NME7: variants seen among roughly 807,000 people sequenced by gnomAD.
NME7 encodes the protein nucleoside diphosphate kinase 7.
A neutral mutation model predicts 49.1 loss-of-function variants in NME7; 41 were observed. The ratio of observed to expected loss-of-function variants is 0.83; its 90% CI spans 0.65 to 1.08. NME7 has a LOEUF of 1.08. NME7 is among the 50% of genes least tolerant of loss of function. NME7 has a pLI of 0.00. For missense variants in NME7, 423 were observed against 463.4 expected (o/e 0.91, Z 0.80); for synonymous variants, 139 against 150.6 (o/e 0.92, Z 0.56).
At chr1:169,219,007 G>C (rs1274054873) in intron 10 of NME7, among the ~76,000 whole-genome samples, 1 of 152,134 alleles carries the variant, frequency 6.6e-6, no homozygotes, top group Admixed American at 6.5e-5. Flanking sequence ...GCAGATGGGA[G>C]GAGCTTTAAT....
intron 7 of NME7, among the ~76,000 whole-genome samples, chr1:169,248,753 T>C (rs1195481024): frequency 6.6e-6 from 1 of 152,170 alleles, no homozygotes; most frequent in East Asian, 1.9e-4. Flanking sequence ...CCTCAGCCTG[T>C]GTTTCTCTAT....
At position 169,332,851 on chromosome 1, in the gene NME7, G is replaced by C. The variant is rs1200060; in HGVS notation, c.4-8351C>G. On this transcript the variant is annotated intron_variant, in intron 1 of 11. Transcript: ENST00000367811. The stretch of plus-strand genomic sequence containing the variant: ...GCTGGTGAGGATGTGGAGAACAGGG[G>C]ACCCTTGTACACTGTTGTTAGGAAT... Among the ~76,000 whole-genome samples, 814 of 152,194 alleles carry C rather than the reference G, an allele frequency of 5.3e-3. 3 individuals carry two copies. Among genetic ancestry groups the C allele is most frequent in the Non-Finnish European group, 7.9e-3 (538 of 67,956 alleles).
intron 1 of NME7, among the ~76,000 whole-genome samples, chr1:169,349,678 A>C (rs1407736602): frequency 6.6e-6 from 1 of 151,976 alleles, no homozygotes; most frequent in Non-Finnish European, 1.5e-5. Context: ...GTGTAACAGA[A>C]CCTCTTTTTT....
intron 1 of NME7, among the ~76,000 whole-genome samples, chr1:169,346,830 T>G (rs968239396): frequency 2.6e-5 from 4 of 152,206 alleles, no homozygotes; most frequent in Non-Finnish European, 5.9e-5. Context: ...CTGCTAGCTA[T>G]CATCAATTGA....
chr1:169,202,016 A>T (rs761956058), intron 10 of NME7, among the ~76,000 whole-genome samples: 5 of 152,148 alleles, frequency 3.3e-5, no homozygotes, highest in Non-Finnish European at 5.9e-5. Context: ...GGAGTCTGGC[A>T]GCAGCAGCAG....
chr1:169,189,488 T>A (rs944400905), intron 10 of NME7, among the ~76,000 whole-genome samples: 1 of 152,156 alleles, frequency 6.6e-6, no homozygotes, highest in Admixed American at 6.5e-5. Flanking sequence ...AAAAATATAA[T>A]CATTTTTCTA....
At chr1:169,171,234 G>A (rs1659578037) in intron 10 of NME7, among the ~76,000 whole-genome samples, 2 of 151,988 alleles carry the variant, frequency 1.3e-5, no homozygotes, top group Admixed American at 1.3e-4. Context: ...CAGGTGTAGT[G>A]GTGCACGCCT....
intron 11 of NME7, 53 bp from the exon 12 acceptor site, chr1:169,132,870 C>CACTT (rs1415776077): frequency 8.6e-6 from 13 of 1,513,598 alleles, no homozygotes; most frequent in East Asian, 2.3e-5. Flanking sequence ...TGGTCTTTTC[C>CACTT]ACTTAACAGA....
intron 3 of NME7, among the ~76,000 whole-genome samples, chr1:169,315,745 T>C (rs1571382357): frequency 6.6e-6 from 1 of 152,104 alleles, no homozygotes; most frequent in South Asian, 2.1e-4. Context: ...GAAATAAACA[T>C]AATTCTAAAT....
intron 11 of NME7, among the ~76,000 whole-genome samples, chr1:169,147,225 T>C (rs1339175402): frequency 1.3e-5 from 2 of 152,216 alleles, no homozygotes; most frequent in African/African-American, 2.4e-5. Context: ...CCTAAGTAAA[T>C]ATCTAATCAT....
At chr1:169,355,757 T>A (rs1315398402) in intron 1 of NME7, among the ~76,000 whole-genome samples, 1 of 152,054 alleles carries the variant, frequency 6.6e-6, no homozygotes, top group Admixed American at 6.6e-5. Flanking sequence ...TTCTTCACTC[T>A]CTGTCTTGTT....
chr1:169,270,069 C>T (rs1441600701), intron 7 of NME7, among the ~76,000 whole-genome samples: 1 of 133,148 alleles, frequency 7.5e-6, no homozygotes. Context: ...CCATGCCTGG[C>T]CAAAATTTTC....
At chr1:169,325,899 C>G (rs910887812) in intron 1 of NME7, among the ~76,000 whole-genome samples, 1 of 151,804 alleles carries the variant, frequency 6.6e-6, no homozygotes, top group Non-Finnish European at 1.5e-5. Context: ...TTGTAAAAGC[C>G]TTTCATCATA....
At chr1:169,168,757 C>A in intron 11 of NME7, 1 of 407,812 alleles carries the variant, frequency 2.5e-6, no homozygotes. Context: ...AACAAAAAGT[C>A]GATTAACACA....
Position 169,219,516 on chromosome 1 carries a change from G to A in NME7, c.990+11202C>T, listed in dbSNP as rs1215293139. The stretch of plus-strand genomic sequence containing the variant: ...GCCCCCAAGATACCAGAGGATGGCT[G>A]TATTTCCTGAGCATTCTGTACTTCT... On this transcript the variant is annotated intron_variant, in intron 10 of 11. Coordinates refer to ENST00000367811, the MANE Select transcript of NME7 (RefSeq NM_013330.5). Among the ~76,000 whole-genome samples, 4 of 152,118 alleles carry A rather than the reference G, an allele frequency of 2.6e-5. No homozygotes were observed. The South Asian group carries it at 6.2e-4, about 24-fold the overall frequency.
At chr1:169,197,477 C>G (rs1276391365) in intron 10 of NME7, among the ~76,000 whole-genome samples, 1 of 151,760 alleles carries the variant, frequency 6.6e-6, no homozygotes. Context: ...AAGAAAATAC[C>G]TAAAGATCAA....
chr1:169,170,798 G>A (rs897954976), intron 10 of NME7, among the ~76,000 whole-genome samples: 9 of 152,010 alleles, frequency 5.9e-5, no homozygotes, highest in East Asian at 3.9e-4. Flanking sequence ...ATGGTGGTGC[G>A]TGCCTGTAAT....
rs80240691 is a variant in NME7, at chr1:169,247,077, G to C, written c.755-9390C>G. On this transcript the variant is annotated intron_variant, in intron 7 of 11. Transcript: ENST00000367811. The stretch of plus-strand genomic sequence containing the variant: ...TCCTCCTCACTGTGAAGAAAGACAG[G>C]CTCAGCATGCAAAGGAAGCTAAGAA... 1.8e-3 allele frequency: 814 copies of C among 456,172 alleles called. 7 individuals are homozygous for C. The highest frequency in any genetic ancestry group is 0.015 in the African/African-American group (748 of 50,166). 28.3% of individuals were successfully genotyped at this position (456,172 alleles called of 1,614,324 possible). A position where few individuals can be genotyped will look rare whatever the true frequency, so the allele number is the denominator to read the frequency against.
intron 11 of NME7, among the ~76,000 whole-genome samples, chr1:169,156,856 G>C (rs1419761677): frequency 6.6e-6 from 1 of 152,176 alleles, no homozygotes; most frequent in African/African-American, 2.4e-5. Flanking sequence ...GGGCCATAAA[G>C]AATTACAATT....
Sources: allele counts gnomAD v4.1 joint callset (sites outside exome capture counted in the v4.1 genomes callset), GRCh38; gene constraint gnomAD v4.1.1; transcripts MANE v1.5; gene names NCBI Gene and HGNC (gene_info 2026-07-23, HGNC 2026-07-21).